The following STXBP5L variants were observed in gnomAD, a reference collection of about 807,000 sequenced individuals.
STXBP5L encodes syntaxin binding protein 5L.
In STXBP5L, 65 loss-of-function variants were observed where a neutral mutation model predicts 144.5. The ratio of observed to expected loss-of-function variants is 0.45; its 90% CI spans 0.37 to 0.55. The LOEUF (loss-of-function observed/expected upper bound fraction) is 0.55. Among genes scored for constraint, STXBP5L ranks in the 20% least tolerant of loss-of-function variants. The pLI is 0.00. For missense variants in STXBP5L, 1,298 were observed against 1,405.5 expected (o/e 0.92, Z 1.22); for synonymous variants, 505 against 469.6 (o/e 1.08, Z -0.97).
At position 121,064,063 on chromosome 3, in the gene STXBP5L, G is replaced by T. The variant is rs114256034; in HGVS notation, c.470+18528G>T. The stretch of plus-strand genomic sequence containing the variant: ...AAAAGTAACTCCTCCAGCTAGCTCG[G>T]TGTCTGCTCAAATGGCTGCCATATT... On this transcript the variant is annotated intron_variant, in intron 5 of 26. Coordinates refer to ENST00000471454, the MANE Select transcript of STXBP5L (RefSeq NM_001308330.2). Among the ~76,000 whole-genome samples, 314 of 152,278 alleles carry T rather than the reference G, an allele frequency of 2.1e-3. 2 individuals are homozygous for T. The highest frequency in any genetic ancestry group is 7.4e-3 in the African/African-American group (308 of 41,564).
chr3:121,136,445 G>A (rs1024291994), intron 7 of STXBP5L, among the ~76,000 whole-genome samples: 1 of 152,308 alleles, frequency 6.6e-6, no homozygotes, highest in African/African-American at 2.4e-5. Flanking sequence ...TACTTCAGCA[G>A]CCTTGAGACC....
At chr3:121,195,206 G>A (rs924168198) in intron 9 of STXBP5L, among the ~76,000 whole-genome samples, 6 of 151,922 alleles carry the variant, frequency 3.9e-5, no homozygotes, top group African/African-American at 1.5e-4. Flanking sequence ...TTACAGGTGT[G>A]AGCCACCGTG....
At position 121,139,118 on chromosome 3, in the gene STXBP5L, A is replaced by G. The variant is rs906461485; in HGVS notation, c.670-13359A>G. ...AGGAGAAGAAAGGGAGAAGTTGGTTAATGGACACAAAATTACATCTATATG... is the reference window on the plus strand; with the variant it reads ...AGGAGAAGAAAGGGAGAAGTTGGTTGATGGACACAAAATTACATCTATATG... On this transcript the variant is annotated intron_variant, in intron 7 of 26. Coordinates refer to ENST00000471454, the MANE Select transcript of STXBP5L (RefSeq NM_001308330.2). Among the ~76,000 whole-genome samples the G allele has an allele frequency of 3.8e-4, 58 of 152,150 alleles. 2 individuals carry two copies. Among genetic ancestry groups the G allele is most frequent in the Admixed American group, 3.0e-3 (46 of 15,256 alleles).
intron 9 of STXBP5L, among the ~76,000 whole-genome samples, chr3:121,186,013 G>A (rs943012052): frequency 1.1e-4 from 17 of 152,046 alleles, no homozygotes; most frequent in Admixed American, 8.5e-4. Flanking sequence ...GGTCCTTCAT[G>A]TCCCTTGTAA....
intron 3 of STXBP5L, among the ~76,000 whole-genome samples, chr3:120,965,318 C>G (rs1182569635): frequency 6.6e-6 from 1 of 152,026 alleles, no homozygotes; most frequent in Non-Finnish European, 1.5e-5. Context: ...TTGATTCTGT[C>G]ATGATGTTCA....
intron 7 of STXBP5L, among the ~76,000 whole-genome samples, chr3:121,133,230 T>C (rs764651630): frequency 2.6e-5 from 4 of 152,058 alleles, no homozygotes; most frequent in Non-Finnish European, 5.9e-5. Context: ...GATGTAATGA[T>C]TGAAAGCCTC....
At chr3:121,089,758 TA>T (rs2042686755) in intron 5 of STXBP5L, among the ~76,000 whole-genome samples, 1 of 152,004 alleles carries the variant, frequency 6.6e-6, no homozygotes, top group South Asian at 2.1e-4. Flanking sequence ...GAAGCTCTGG[TA>T]TTTTTTTACT....
At chr3:120,978,202 C>G (rs1258442731) in intron 3 of STXBP5L, among the ~76,000 whole-genome samples, 1 of 152,222 alleles carries the variant, frequency 6.6e-6, no homozygotes, top group African/African-American at 2.4e-5. Context: ...TAGATTCCGT[C>G]TTTTCACCTA....
At chr3:121,201,161 G>T (rs2048122238) in intron 9 of STXBP5L, among the ~76,000 whole-genome samples, 1 of 152,118 alleles carries the variant, frequency 6.6e-6, no homozygotes, top group Non-Finnish European at 1.5e-5. Context: ...ATGAATCTGG[G>T]TGGTATATTG....
intron 3 of STXBP5L, among the ~76,000 whole-genome samples, chr3:121,031,349 G>A (rs57293521): frequency 0.019 from 2,931 of 151,810 alleles, 104 homozygotes; most frequent in African/African-American, 0.067. Context: ...CAACCAATAG[G>A]ATGTATATGT....
intron 11 of STXBP5L, among the ~76,000 whole-genome samples, chr3:121,231,107 C>T (rs1400176156): frequency 6.6e-6 from 1 of 152,152 alleles, no homozygotes; most frequent in Admixed American, 6.5e-5. Context: ...AGGGCACTCC[C>T]ATTTCCAATG....
intron 18 of STXBP5L, among the ~76,000 whole-genome samples, chr3:121,273,719 C>A (rs1577346848): frequency 1.3e-5 from 2 of 151,934 alleles, no homozygotes; most frequent in East Asian, 1.9e-4. Flanking sequence ...TTTCTTTCCT[C>A]TTTTCTATTC....
intron 23 of STXBP5L, among the ~76,000 whole-genome samples, chr3:121,409,204 G>T (rs2047062656): frequency 1.3e-5 from 2 of 151,998 alleles, no homozygotes; most frequent in East Asian, 3.9e-4. Flanking sequence ...CTGAGCTGAG[G>T]ATAGAAACTT....
chr3:121,012,472 G>A (rs2108143378), intron 3 of STXBP5L, among the ~76,000 whole-genome samples: 1 of 151,762 alleles, frequency 6.6e-6, no homozygotes, highest in South Asian at 2.1e-4. Context: ...CTTCCATATG[G>A]ATATCTTTAC....
intron 20 of STXBP5L, among the ~76,000 whole-genome samples, chr3:121,374,046 T>A (rs2046111835): frequency 6.6e-6 from 1 of 152,080 alleles, no homozygotes; most frequent in Non-Finnish European, 1.5e-5. Flanking sequence ...AACCAAGAAC[T>A]GGCCTACTGC....
At chr3:121,130,694 A>G (rs1343323121) in intron 7 of STXBP5L, among the ~76,000 whole-genome samples, 1 of 152,144 alleles carries the variant, frequency 6.6e-6, no homozygotes, top group African/African-American at 2.4e-5. Context: ...TGGTAGAGCC[A>G]ATAGCAGTAT....
chr3:121,132,376 AG>A (rs1253420359), intron 7 of STXBP5L, among the ~76,000 whole-genome samples: 1 of 152,156 alleles, frequency 6.6e-6, no homozygotes, highest in Non-Finnish European at 1.5e-5. Context: ...GGGAGAACCA[AG>A]GTGGTGGCTT....
intron 20 of STXBP5L, among the ~76,000 whole-genome samples, chr3:121,377,941 C>T (rs187592007): frequency 1.3e-5 from 2 of 152,106 alleles, no homozygotes; most frequent in East Asian, 1.9e-4. Flanking sequence ...CAATGATAGA[C>T]TGGATAAAGA....
rs764512402 is a variant in STXBP5L at position 121,041,744 on chromosome 3, G to A, written c.332G>A (p.Gly111Asp). The A allele has an allele frequency of 6.2e-7, 1 of 1,612,786 alleles. No homozygotes were observed. Among genetic ancestry groups the A allele is most frequent in the African/African-American group, 1.3e-5 (1 of 74,978 alleles). ...GVDCYCQHES[G>D]AAVLQLQFLI... ...GATTGCTATTGCCAACATGAAAGTG[G>A]TGCAGCTGTCCTACAGCTCCAATTT... The change falls in exon 4 of 27, where the codon GGT becomes GAT. Residue 111 changes from glycine (G) to aspartate (D), a missense_variant. Gly to Asp is a moderately conservative substitution (Grantham distance 94). Transcript: ENST00000471454.
Sources: gnomAD v4.1 joint callset for allele counts (sites outside exome capture counted in the v4.1 genomes callset) on GRCh38, gnomAD v4.1.1 for gene constraint, MANE v1.5 for transcripts, NCBI Gene and HGNC (gene_info 2026-07-23, HGNC 2026-07-21) for gene names.